Variants in SLC15A2 observed in about 807,000 individuals in gnomAD.
SLC15A2 encodes solute carrier family 15 member 2.
In SLC15A2, 77 loss-of-function variants were observed where a neutral mutation model predicts 95.5. The ratio of observed to expected loss-of-function variants is 0.81; its 90% confidence interval spans 0.67 to 0.97. The LOEUF (loss-of-function observed/expected upper bound fraction) is 0.97. Among genes scored for constraint, SLC15A2 ranks in the 50% least tolerant of loss-of-function variants. The pLI, the probability that SLC15A2 is intolerant of heterozygous loss-of-function variation, is 0.00. For missense variants in SLC15A2, 893 were observed against 874.4 expected (o/e 1.02, Z -0.27); for synonymous variants, 306 against 306.9 (o/e 1.00, Z 0.03).
intron 7 of SLC15A2, among the ~76,000 whole-genome samples, chr3:121,919,041 C>G (rs796211802): frequency 5.3e-5 from 8 of 152,284 alleles, no homozygotes; most frequent in African/African-American, 1.9e-4. Context: ...AAGGGGAACA[C>G]GGTGGCGCCC....
rs1191093762 is a variant in SLC15A2, at chr3:121,943,958, A to G, written c.*2951A>G. 5 of 152,242 alleles carry G rather than the reference A, an allele frequency of 3.3e-5. No homozygotes were observed. The highest frequency in any genetic ancestry group is 5.9e-5 in the Non-Finnish European group (4 of 68,040). 9.4% of individuals were successfully genotyped at this position (152,242 alleles called of 1,614,324 possible). On this transcript the variant is annotated 3_prime_UTR_variant, in exon 22 of 22. Coordinates refer to ENST00000489711, the MANE Select transcript of SLC15A2 (RefSeq NM_021082.4). ...TTTACACATTATATAGATGTATCAA[A>G]TTATTCATATGTGCTCTGAAAATGT...
At chr3:121,935,102 C>T (rs1201238102) in intron 19 of SLC15A2, among the ~76,000 whole-genome samples, 1 of 152,184 alleles carries the variant, frequency 6.6e-6, no homozygotes, top group African/African-American at 2.4e-5. Context: ...CCTTGCATCC[C>T]AGGGATGAAG....
intron 3 of SLC15A2, among the ~76,000 whole-genome samples, chr3:121,898,161 C>T (rs78387235): frequency 7.1e-6 from 1 of 140,388 alleles, no homozygotes; most frequent in South Asian, 2.3e-4. Context: ...GACTCTGTCT[C>T]AAAAAAAAAA....
intron 7 of SLC15A2, among the ~76,000 whole-genome samples, chr3:121,921,966 T>C (rs761765790): frequency 2.0e-5 from 3 of 152,228 alleles, no homozygotes; most frequent in Non-Finnish European, 4.4e-5. Context: ...TACCATTTTG[T>C]CTTCTCTTGG....
chr3:121,907,367 CA>C (rs1709671335), intron 3 of SLC15A2, among the ~76,000 whole-genome samples: 1 of 152,254 alleles, frequency 6.6e-6, no homozygotes, highest in Admixed American at 6.5e-5. Flanking sequence ...TCATCAAAGT[CA>C]TTCTCCGTCC....
chr3:121,924,323 A>T (rs2257109), intron 11 of SLC15A2, 28 bp from the exon 12 acceptor site: 725,667 of 1,600,538 alleles, frequency 0.45, 169,786 homozygotes, highest in East Asian at 0.72. Context: ...TCAGACATCA[A>T]CTAAATTAAT....
chr3:121,914,857 CAA>C (rs59852441), intron 5 of SLC15A2: 1,874 of 158,468 alleles, frequency 0.012, no homozygotes, highest in Middle Eastern at 0.026. Context: ...GACTCCATCT[CAA>C]AAAAAAAAAA....
chr3:121,913,351 T>C (rs183411294), intron 5 of SLC15A2, among the ~76,000 whole-genome samples: 2 of 152,168 alleles, frequency 1.3e-5, no homozygotes, highest in African/African-American at 4.8e-5. Context: ...GAGGAAAGAT[T>C]GAAGGAAATA....
chr3:121,941,086 G>A lies in SLC15A2; in HGVS notation c.*79G>A. 1.5e-6 allele frequency: 2 copies of A among 1,322,018 alleles called. No homozygotes were observed. Among genetic ancestry groups the A allele is most frequent in the East Asian group, 2.3e-5 (1 of 42,620 alleles). 81.9% of individuals were successfully genotyped at this position (1,322,018 alleles called of 1,614,324 possible). A position where few individuals can be genotyped will look rare whatever the true frequency, so the allele number is the denominator to read the frequency against. On this transcript the variant is annotated 3_prime_UTR_variant, in exon 22 of 22. Transcript: ENST00000489711. ...TTTTTTCTTCTACTGGATTAGACAA[G>A]AGAGATAGCAGCATATCAGAGCTGA... is the stretch of plus-strand genomic sequence containing the variant.
At chr3:121,898,580 T>C (rs554148213) in intron 3 of SLC15A2, among the ~76,000 whole-genome samples, 31 of 152,294 alleles carry the variant, frequency 2.0e-4, no homozygotes, top group Admixed American at 2.0e-4. Flanking sequence ...AACTATAAAA[T>C]ATAATAAGTT....
Position 121,894,436 on chromosome 3 carries a change from A to T in SLC15A2, c.-41A>T. ...GGCAGCTGTCCTAACTGCCTACTAA[A>T]GCCAAATGCTTGAGGAGAGAGAGAG... On this transcript the variant is annotated 5_prime_UTR_variant, in exon 1 of 22. It adds an upstream start codon to the 5' untranslated region. Transcript: ENST00000489711. 1 of 1,556,558 alleles carries T rather than the reference A, an allele frequency of 6.4e-7. No individual in the cohort carries two copies. Among genetic ancestry groups the T allele is most frequent in the Non-Finnish European group, 8.8e-7 (1 of 1,135,604 alleles).
At chr3:121,934,665 T>C (rs1209335035) in intron 19 of SLC15A2, among the ~76,000 whole-genome samples, 3 of 152,238 alleles carry the variant, frequency 2.0e-5, no homozygotes, top group African/African-American at 7.2e-5. Context: ...GATTTGGGGC[T>C]GAGACAATGG....
intron 11 of SLC15A2, 136 bp from the exon 12 acceptor site, chr3:121,924,215 G>A (rs1215432499): frequency 5.7e-6 from 4 of 704,586 alleles, no homozygotes; most frequent in Admixed American, 2.3e-5. Flanking sequence ...GCAAAATAGT[G>A]GCCCTGAACC....
chr3:121,905,036 T>C (rs1473236149), intron 3 of SLC15A2, among the ~76,000 whole-genome samples: 5 of 152,228 alleles, frequency 3.3e-5, no homozygotes, highest in Admixed American at 3.3e-4. Context: ...AACCTGTTAC[T>C]GATCTATTCA....
At chr3:121,900,991 T>C (rs1182317778) in intron 3 of SLC15A2, among the ~76,000 whole-genome samples, 1 of 149,310 alleles carries the variant, frequency 6.7e-6, no homozygotes, top group African/African-American at 2.4e-5. Context: ...GTATATAATA[T>C]GTATAATATA....
chr3:121,923,453 T>C (rs1355545237), intron 11 of SLC15A2, among the ~76,000 whole-genome samples, 187 bp downstream of exon 11: 1 of 152,230 alleles, frequency 6.6e-6, no homozygotes, highest in African/African-American at 2.4e-5. Context: ...GAATCTTCTC[T>C]TTAGAAATCA....
intron 4 of SLC15A2, among the ~76,000 whole-genome samples, chr3:121,912,015 T>C (rs1292247820): frequency 1.3e-5 from 2 of 152,244 alleles, no homozygotes; most frequent in African/African-American, 2.4e-5. Context: ...GTAGAAGTCA[T>C]ACTCAAAGCT....
In SLC15A2 at chr3:121,924,510, G is replaced by A. The variant is rs1223599404; in HGVS notation, c.1035+127G>A. ...TGTACGCTGATAAGGGCCAAGCTTC[G>A]ACATGAAAACATTCCCATTAAGCCC... On this transcript the variant is annotated intron_variant, in intron 12 of 21. Coordinates refer to ENST00000489711, the MANE Select transcript of SLC15A2 (RefSeq NM_021082.4). The A allele has an allele frequency of 2.6e-5, 23 of 875,720 alleles. No homozygotes were observed. In the South Asian group the frequency reaches 3.1e-4, roughly 12 times the overall value. The allele number at this position is 875,720 out of a possible 1,614,324, so 54.2% of individuals were successfully genotyped here. A position where few individuals can be genotyped will look rare whatever the true frequency, so the allele number is the denominator to read the frequency against.
At chr3:121,908,167 T>C (rs934521946) in intron 3 of SLC15A2, among the ~76,000 whole-genome samples, 1 of 152,202 alleles carries the variant, frequency 6.6e-6, no homozygotes, top group Non-Finnish European at 1.5e-5. Flanking sequence ...CAAAGCTCCA[T>C]GGGCATGGGA....
Sources: gnomAD v4.1 joint callset for allele counts (sites outside exome capture counted in the v4.1 genomes callset) on GRCh38, gnomAD v4.1.1 for gene constraint, MANE v1.5 for transcripts, NCBI Gene and HGNC (gene_info 2026-07-23, HGNC 2026-07-21) for gene names.